The following NLGN1 variants were observed in gnomAD, a reference collection of about 807,000 sequenced individuals.
The protein encoded by NLGN1 is neuroligin 1.
A neutral mutation model predicts 65.5 loss-of-function variants in NLGN1; 12 were observed. The ratio of observed to expected loss-of-function variants is 0.18; its 90% CI spans 0.12 to 0.30. The LOEUF is 0.30. Ranked by LOEUF, NLGN1 falls within the 10% of genes least tolerant of loss-of-function variation. The pLI is 1.00. For synonymous variants in NLGN1, 350 were observed against 359.5 expected (o/e 0.97, Z 0.30); for missense variants, 750 against 1,007.1 (o/e 0.74, Z 3.46).
At chr3:173,558,078 T>C (rs1193070175) in intron 2 of NLGN1, among the ~76,000 whole-genome samples, 2 of 152,024 alleles carry the variant, frequency 1.3e-5, no homozygotes, top group African/African-American at 4.8e-5. Flanking sequence ...ATTGTCTTCT[T>C]ACTTGTATTA....
At chr3:174,224,928 A>C (rs1382607606) in intron 4 of NLGN1, among the ~76,000 whole-genome samples, 1 of 152,170 alleles carries the variant, frequency 6.6e-6, no homozygotes, top group Non-Finnish European at 1.5e-5. Flanking sequence ...TGATGGGTCT[A>C]AATTTAGAAG....
chr3:173,498,102 G>A (rs1372275363), intron 2 of NLGN1, among the ~76,000 whole-genome samples: 2 of 151,432 alleles, frequency 1.3e-5, no homozygotes, highest in Admixed American at 6.6e-5. Context: ...TGTGCACAAC[G>A]TGCAGGTTTG....
At chr3:173,745,772 A>G (rs964860250) in intron 3 of NLGN1, among the ~76,000 whole-genome samples, 2 of 152,144 alleles carry the variant, frequency 1.3e-5, no homozygotes, top group Non-Finnish European at 2.9e-5. Context: ...TCCAGGGAAC[A>G]GATACTCCAG....
intron 4 of NLGN1, among the ~76,000 whole-genome samples, chr3:174,263,084 T>C (rs1304507871): frequency 1.4e-5 from 2 of 146,176 alleles, no homozygotes; most frequent in African/African-American, 5.1e-5. Flanking sequence ...TTACATTTGC[T>C]GAGGAGAGCT....
intron 4 of NLGN1, among the ~76,000 whole-genome samples, chr3:174,066,562 C>CTGTGTG (rs1401534201): frequency 3.8e-5 from 5 of 129,930 alleles, no homozygotes; most frequent in African/African-American, 1.6e-4. Flanking sequence ...CTCTCTCTCT[C>CTGTGTG]TCTGTGTGTG....
intron 3 of NLGN1, among the ~76,000 whole-genome samples, chr3:173,679,655 G>A (rs756517109): frequency 5.9e-5 from 9 of 152,088 alleles, no homozygotes; most frequent in African/African-American, 1.9e-4. Context: ...ATGGAGTAGA[G>A]GGTGTTACAG....
At chr3:173,586,263 T>C (rs1477857519) in intron 2 of NLGN1, among the ~76,000 whole-genome samples, 2 of 152,240 alleles carry the variant, frequency 1.3e-5, no homozygotes, top group African/African-American at 4.8e-5. Flanking sequence ...AAGTGTTACC[T>C]TTTTTCAGGG....
chr3:173,690,979 C>T (rs1471438090), intron 3 of NLGN1, among the ~76,000 whole-genome samples: 18 of 152,034 alleles, frequency 1.2e-4, no homozygotes, highest in Non-Finnish European at 2.9e-5. Flanking sequence ...GAAGGGTGAA[C>T]ACAGTTCTAG....
At chr3:173,935,550 A>C (rs886909433) in intron 4 of NLGN1, among the ~76,000 whole-genome samples, 1 of 151,394 alleles carries the variant, frequency 6.6e-6, no homozygotes, top group African/African-American at 2.4e-5. Flanking sequence ...AGAATCTTGA[A>C]GTTCAAAGTG....
chr3:173,831,772 A>G (rs935390779), intron 4 of NLGN1, among the ~76,000 whole-genome samples: 2 of 152,136 alleles, frequency 1.3e-5, no homozygotes, highest in Non-Finnish European at 2.9e-5. Flanking sequence ...AGAATGCTTG[A>G]TTTAGAACTG....
At chr3:174,119,575 A>G (rs1043876671) in intron 4 of NLGN1, among the ~76,000 whole-genome samples, 1 of 152,190 alleles carries the variant, frequency 6.6e-6, no homozygotes, top group Non-Finnish European at 1.5e-5. Flanking sequence ...TGTCTATTCT[A>G]TAACACATGC....
At chr3:173,815,915 A>G (rs940678897) in intron 4 of NLGN1, among the ~76,000 whole-genome samples, 16 of 151,704 alleles carry the variant, frequency 1.1e-4, no homozygotes, top group African/African-American at 3.6e-4. Flanking sequence ...ATTGACTTCT[A>G]CAACTAAGTT....
intron 3 of NLGN1, chr3:173,695,669 C>T (rs1363143144): frequency 5.4e-6 from 1 of 186,368 alleles, no homozygotes; most frequent in Non-Finnish European, 1.2e-5. Context: ...TAAAAGTCCA[C>T]AGCTTTTTGC....
chr3:173,999,260 T>C (rs985439890), intron 4 of NLGN1, among the ~76,000 whole-genome samples: 1 of 152,090 alleles, frequency 6.6e-6, no homozygotes, highest in Admixed American at 6.5e-5. Flanking sequence ...TTCTTGGTGG[T>C]TTTCCCAGAA....
intron 4 of NLGN1, among the ~76,000 whole-genome samples, chr3:174,252,902 A>C (rs1472798174): frequency 6.6e-6 from 1 of 152,184 alleles, no homozygotes; most frequent in Admixed American, 6.5e-5. Flanking sequence ...TCTTATTAAA[A>C]CTATAAATTG....
At chr3:173,463,714 A>G (rs1038019674) in intron 2 of NLGN1, among the ~76,000 whole-genome samples, 2 of 152,118 alleles carry the variant, frequency 1.3e-5, no homozygotes, top group African/African-American at 4.8e-5. Flanking sequence ...GTCTTCTAAT[A>G]CTTCAAGCAA....
At chr3:174,236,186 G>T (rs1741669860) in intron 4 of NLGN1, among the ~76,000 whole-genome samples, 1 of 152,040 alleles carries the variant, frequency 6.6e-6, no homozygotes, top group Non-Finnish European at 1.5e-5. Context: ...TATGCCTCAG[G>T]TGCTTGAAAA....
intron 4 of NLGN1, among the ~76,000 whole-genome samples, chr3:174,047,212 A>C (rs925174277): frequency 6.6e-6 from 1 of 152,156 alleles, no homozygotes; most frequent in African/African-American, 2.4e-5. Flanking sequence ...ATAATTTTAT[A>C]TACTGGTTGC....
intron 2 of NLGN1, among the ~76,000 whole-genome samples, chr3:173,461,030 T>C (rs747070087): frequency 6.6e-6 from 1 of 152,140 alleles, no homozygotes; most frequent in Non-Finnish European, 1.5e-5. Flanking sequence ...AGAAAGACAA[T>C]AGTATGGAGA....
Sources: gnomAD v4.1 joint callset for allele counts (sites outside exome capture counted in the v4.1 genomes callset) on GRCh38, gnomAD v4.1.1 for gene constraint, MANE v1.5 for transcripts, NCBI Gene and HGNC (gene_info 2026-07-23, HGNC 2026-07-21) for gene names.